The following WSB1 variants were observed in gnomAD, a reference collection of about 807,000 sequenced individuals.
WSB1 encodes the protein WD repeat and SOCS box containing 1, also known as WD repeat and SOCS box-containing protein 1.
A neutral mutation model predicts 50.2 loss-of-function variants in WSB1; 23 were observed. That is an observed-to-expected ratio of 0.46 (90% CI 0.33 to 0.65). WSB1 has a LOEUF of 0.65. Ranked by LOEUF, WSB1 falls within the 30% of genes least tolerant of loss-of-function variation. The probability of loss-of-function intolerance (pLI) is 0.02; values close to 1 mark genes in which losing one functional copy is unlikely to be tolerated. For missense variants in WSB1, 492 were observed against 522.3 expected, an observed-to-expected ratio of 0.94 and a Z score of 0.56; for synonymous variants, 179 against 172.0, an observed-to-expected ratio of 1.04 and a Z score of -0.32.
chr17:27,300,259 G>T (rs2017172472), intron 1 of WSB1, among the ~76,000 whole-genome samples: 1 of 151,968 alleles, frequency 6.6e-6, no homozygotes, highest in South Asian at 2.1e-4. Context: ...TAAAGCTTAG[G>T]TGTTGGAAAG....
intron 1 of WSB1, among the ~76,000 whole-genome samples, chr17:27,298,681 T>C (rs556061973): frequency 3.9e-4 from 59 of 152,080 alleles, no homozygotes; most frequent in African/African-American, 1.4e-3. Context: ...TGAAACCCCG[T>C]CTCTACTAAA....
In WSB1 at chr17:27,312,018, C is replaced by T. The variant is rs570582177; in HGVS notation, c.1107-192C>T. Among the ~76,000 whole-genome samples the T allele has an allele frequency of 4.6e-5, 7 of 152,268 alleles. No individual in the cohort carries two copies. In the East Asian group the frequency reaches 7.7e-4, roughly 17 times the overall value. ...AGCTAGTAATTTATTGTCAGTAAAA[C>T]TCTAATAAGTGTTCTTCATAGTAGT... On this transcript the variant is annotated intron_variant, in intron 8 of 8. Coordinates refer to ENST00000262394, the MANE Select transcript of WSB1 (RefSeq NM_015626.10).
intron 5 of WSB1, chr17:27,307,690 A>T (rs1201942091): frequency 6.6e-7 from 1 of 1,512,094 alleles, no homozygotes; most frequent in African/African-American, 1.4e-5. Context: ...AGATGTTGAC[A>T]TTGCTATTTT....
At chr17:27,309,920 GT>G (rs1203583598) in intron 6 of WSB1, 140 bp from the exon 7 acceptor site, 2 of 632,510 alleles carry the variant, frequency 3.2e-6, no homozygotes, top group African/African-American at 3.7e-5. Context: ...TAATTTGGAT[GT>G]ATCATCTCTA....
intron 7 of WSB1, 79 bp from the exon 8 acceptor site, chr17:27,311,430 C>A: frequency 2.8e-6 from 3 of 1,084,132 alleles, no homozygotes; most frequent in Admixed American, 2.4e-5. Context: ...AACTCAATGG[C>A]ATTTCTTTCT....
At chr17:27,304,968 A>T in intron 4 of WSB1, 57 bp downstream of exon 4, 2 of 1,594,432 alleles carry the variant, frequency 1.3e-6, no homozygotes, top group Admixed American at 3.4e-5. Context: ...TACTATGGAG[A>T]GGTATTGGGA....
chr17:27,301,749 G>C (rs141571532), intron 1 of WSB1, 39 bp from the exon 2 acceptor site: 16 of 1,601,318 alleles, frequency 1.0e-5, no homozygotes, highest in Non-Finnish European at 1.3e-5. Context: ...TGTATTGTTG[G>C]TTATATATGA....
At position 27,312,600 on chromosome 17, in the gene WSB1, T is replaced by TA. The variant is rs1197206602; in HGVS notation, c.*232dup. On this transcript the variant is annotated 3_prime_UTR_variant, in exon 9 of 9. Coordinates refer to ENST00000262394, the MANE Select transcript of WSB1 (RefSeq NM_015626.10). ...TTTTAAAGATCTAACTGTGAAAACA[T>TA]ACATACCTGTACATATTTAGATATA... The TA allele has an allele frequency of 1.1e-5, 5 of 466,298 alleles. No homozygotes were observed. Among genetic ancestry groups the TA allele is most frequent in the Admixed American group, 8.3e-5 (2 of 23,984 alleles). The allele number at this position is 466,298 out of a possible 1,614,324, so 28.9% of individuals were successfully genotyped here.
chr17:27,302,034 A>G, intron 2 of WSB1, 78 bp downstream of exon 2: 1 of 1,405,294 alleles, frequency 7.1e-7, no homozygotes, highest in Non-Finnish European at 9.5e-7. Flanking sequence ...TAATAAAAAC[A>G]TTTTGATATT....
intron 1 of WSB1, among the ~76,000 whole-genome samples, chr17:27,299,058 T>A (rs900105760): frequency 4.6e-5 from 7 of 152,048 alleles, no homozygotes; most frequent in African/African-American, 1.7e-4. Flanking sequence ...AGGCAGGGGT[T>A]GCAAATTCAG....
rs151210459 is a variant in WSB1 at position 27,304,122 on chromosome 17, A to G, written c.478+487A>G. On this transcript the variant is annotated intron_variant, in intron 3 of 8. Transcript: ENST00000262394. Reference sequence around the variant, plus strand: ...CTTATTGCCTAAAACACTTTCTGGCATATAATATGTACTCAAAAACATAAA... The same window carrying G: ...CTTATTGCCTAAAACACTTTCTGGCGTATAATATGTACTCAAAAACATAAA... Among the ~76,000 whole-genome samples, 1,269 of 152,346 alleles carry G rather than the reference A, an allele frequency of 8.3e-3. 23 individuals carry two copies. Among genetic ancestry groups the G allele is most frequent in the African/African-American group, 0.029 (1,220 of 41,570 alleles).
rs867154115 is a variant in WSB1 at position 27,313,801 on chromosome 17, G to C, written c.*1432G>C. On this transcript the variant is annotated 3_prime_UTR_variant, in exon 9 of 9. Transcript: ENST00000262394. ...CATTCAGGGCTCCCCGAGTGCAGCA[G>C]CTCTTATGGTGGTTTTGTTTTTAGG... is the stretch of plus-strand genomic sequence containing the variant. The C allele has an allele frequency of 2.0e-5, 3 of 152,212 alleles. No individual in the cohort carries two copies. The highest frequency in any genetic ancestry group is 4.1e-4 in the South Asian group (2 of 4,838). 9.4% of individuals were successfully genotyped at this position (152,212 alleles called of 1,614,324 possible). A position where few individuals can be genotyped will look rare whatever the true frequency, so the allele number is the denominator to read the frequency against.
At chr17:27,302,944 C>A (rs1274807688) in intron 2 of WSB1, 2 of 168,766 alleles carry the variant, frequency 1.2e-5, no homozygotes, top group Non-Finnish European at 2.5e-5. Context: ...GGAAACTGAT[C>A]ATTATGGTTT....
chr17:27,298,455 G>A (rs2017082167), intron 1 of WSB1, among the ~76,000 whole-genome samples: 1 of 152,122 alleles, frequency 6.6e-6, no homozygotes. Flanking sequence ...GATGCAGTGG[G>A]TCATGCCTTA....
intron 1 of WSB1, 103 bp downstream of exon 1, chr17:27,294,538 C>T: frequency 1.3e-6 from 2 of 1,506,766 alleles, no homozygotes; most frequent in Non-Finnish European, 9.1e-7. Flanking sequence ...GGGAAGAGCT[C>T]CAGTGCGCCA....
chr17:27,307,029 A>G, intron 5 of WSB1, 147 bp downstream of exon 5: 2 of 734,128 alleles, frequency 2.7e-6, no homozygotes, highest in Non-Finnish European at 4.4e-6. Flanking sequence ...GAGAATTTGC[A>G]TGAAGGAAAT....
intron 2 of WSB1, 40 bp downstream of exon 2, chr17:27,301,996 G>A: frequency 6.6e-7 from 1 of 1,506,074 alleles, no homozygotes; most frequent in Admixed American, 2.4e-5. Flanking sequence ...TCTGTTTGTG[G>A]AATTTACCAT....
intron 7 of WSB1, 96 bp downstream of exon 7, chr17:27,310,270 C>T: frequency 1.9e-6 from 2 of 1,054,556 alleles, no homozygotes; most frequent in South Asian, 2.7e-5. Context: ...AATGTCTCTT[C>T]CTCAACACAA....
chr17:27,315,332 A>C lies in WSB1; in HGVS notation c.*2963A>C, dbSNP rs2017809883. On this transcript the variant is annotated 3_prime_UTR_variant, in exon 9 of 9. Transcript: ENST00000262394. ...CCCATGGAGTACATGTGAACATAGGAAAATCACACTCAGCAGCCAAGCTAT... is the reference window on the plus strand; with the variant it reads ...CCCATGGAGTACATGTGAACATAGGCAAATCACACTCAGCAGCCAAGCTAT... 6.6e-6 allele frequency: 1 copy of C among 152,230 alleles called. No individual in the cohort carries two copies. Among genetic ancestry groups the C allele is most frequent in the Admixed American group, 6.5e-5 (1 of 15,286 alleles). The allele number at this position is 152,230 out of a possible 1,614,324, so 9.4% of individuals were successfully genotyped here. A position where few individuals can be genotyped will look rare whatever the true frequency, so the allele number is the denominator to read the frequency against.
Sources: gnomAD v4.1 joint callset for allele counts (sites outside exome capture counted in the v4.1 genomes callset) on GRCh38, gnomAD v4.1.1 for gene constraint, MANE v1.5 for transcripts, NCBI Gene and HGNC (gene_info 2026-07-23, HGNC 2026-07-21) for gene names.